CBLN2: variants seen among roughly 807,000 people sequenced by gnomAD.
The protein encoded by CBLN2 is cerebellin 2 precursor, also known as cerebellin-2.
A neutral mutation model predicts 15.0 loss-of-function variants in CBLN2; 7 were observed. The observed-to-expected ratio is 0.47, with a 90% confidence interval of 0.27 to 0.88. The LOEUF (loss-of-function observed/expected upper bound fraction) is 0.88, where lower values mean the gene tolerates loss of function less well. CBLN2 is among the 40% of genes least tolerant of loss of function. CBLN2 has a pLI of 0.14. For synonymous variants in CBLN2, 149 were observed against 135.2 expected (o/e 1.10, Z -0.71); for missense variants, 242 against 304.5 (o/e 0.79, Z 1.53).
chr18:72,613,304 G>A (rs1034271532), intron 1 of CBLN2, among the ~76,000 whole-genome samples: 1 of 152,088 alleles, frequency 6.6e-6, no homozygotes, highest in African/African-American at 2.4e-5. Context: ...TGTCTTTGTA[G>A]GTCTCTCTAT....
In CBLN2 at chr18:72,583,940, T is replaced by C. The variant is rs552859338; in HGVS notation, c.16-45168A>G. Among the ~76,000 whole-genome samples, 9 of 152,350 alleles carry C rather than the reference T, an allele frequency of 5.9e-5. No individual in the cohort carries two copies. In the East Asian group the frequency reaches 1.7e-3, roughly 29 times the overall value. ...TAAGCTCCTGTTCTGTGCAGGACAC[T>C]GCTAAACTCCTTGAATACATTTTCT... On this transcript the variant is annotated intron_variant, in intron 1 of 2. Coordinates refer to the CBLN2 transcript ENST00000581073.
At chr18:72,587,371 C>A (rs1175038987) in intron 1 of CBLN2, among the ~76,000 whole-genome samples, 1 of 151,968 alleles carries the variant, frequency 6.6e-6, no homozygotes, top group East Asian at 1.9e-4. Flanking sequence ...AGCTGTTACA[C>A]AATAAAATAA....
chr18:72,597,484 C>G (rs1376073120), intron 1 of CBLN2, among the ~76,000 whole-genome samples: 1 of 152,290 alleles, frequency 6.6e-6, no homozygotes, highest in Non-Finnish European at 1.5e-5. Flanking sequence ...TGCACTGGGT[C>G]AGACCCAAAG....
At chr18:72,569,843 CA>C (rs2069319706) in intron 1 of CBLN2, among the ~76,000 whole-genome samples, 2 of 152,310 alleles carry the variant, frequency 1.3e-5, no homozygotes, top group South Asian at 4.1e-4. Context: ...ACACATCCAA[CA>C]CTGGGGGTGA....
chr18:72,609,138 A>G (rs1368998233), intron 1 of CBLN2, among the ~76,000 whole-genome samples: 1 of 152,166 alleles, frequency 6.6e-6, no homozygotes, highest in Non-Finnish European at 1.5e-5. Flanking sequence ...AGCAGAGGCC[A>G]ATAAGGTAAA....
Position 72,538,164 on chromosome 18 carries a change from G to C in CBLN2, c.*12C>G, listed in dbSNP as rs1286555920. The C allele has an allele frequency of 6.2e-7, 1 of 1,613,950 alleles. No individual in the cohort carries two copies. ...AGTTTGCCATTCCCCCACCATCTAG[G>C]GGGCTCTGTGTTTATAGAGGAAACA... is the stretch of plus-strand genomic sequence containing the variant. On this transcript the variant is annotated 3_prime_UTR_variant, in exon 5 of 5. Coordinates refer to ENST00000269503, the MANE Select transcript of CBLN2 (RefSeq NM_182511.4).
intron 1 of CBLN2, among the ~76,000 whole-genome samples, chr18:72,587,576 T>C (rs2069452362): frequency 6.6e-6 from 1 of 152,210 alleles, no homozygotes; most frequent in Non-Finnish European, 1.5e-5. Context: ...GTGTTGTTTA[T>C]ATTTTGAAAA....
At chr18:72,616,800 A>G (rs552946450) in intron 1 of CBLN2, among the ~76,000 whole-genome samples, 1 of 152,278 alleles carries the variant, frequency 6.6e-6, no homozygotes, top group Admixed American at 6.5e-5. Context: ...TCCTTAATAT[A>G]GAGCAATTCG....
intron 1 of CBLN2, among the ~76,000 whole-genome samples, chr18:72,593,735 C>T (rs1045520787): frequency 3.9e-5 from 6 of 152,070 alleles, no homozygotes; most frequent in Non-Finnish European, 7.4e-5. Context: ...TGAATTTTAT[C>T]AAATTTTTTA....
intron 1 of CBLN2, among the ~76,000 whole-genome samples, chr18:72,599,428 A>G (rs1244952741): frequency 6.6e-6 from 1 of 152,224 alleles, no homozygotes; most frequent in African/African-American, 2.4e-5. Flanking sequence ...AGGATAACTT[A>G]AAACATGAAA....
intron 1 of CBLN2, among the ~76,000 whole-genome samples, chr18:72,586,947 G>A (rs564224927): frequency 6.6e-6 from 1 of 150,534 alleles, no homozygotes; most frequent in East Asian, 2.0e-4. Context: ...CTATAACTAT[G>A]ATATATATAT....
chr18:72,547,994 C>T (rs760711090), upstream of CBLN2, among the ~76,000 whole-genome samples: 3 of 152,156 alleles, frequency 2.0e-5, no homozygotes, highest in South Asian at 2.1e-4. Flanking sequence ...CAAGAAGCAA[C>T]AGATCATAGG....
chr18:72,547,785 T>A (rs1333687688), upstream of CBLN2, among the ~76,000 whole-genome samples: 3 of 152,238 alleles, frequency 2.0e-5, no homozygotes. Context: ...CCTTCTCAAG[T>A]GTTCTCCCGT....
At chr18:72,634,032 C>T (rs9946210) in intron 1 of CBLN2, among the ~76,000 whole-genome samples, 1 of 151,706 alleles carries the variant, frequency 6.6e-6, no homozygotes, top group Non-Finnish European at 1.5e-5. Context: ...ATACAAACTT[C>T]TCTTTAAGTT....
intron 1 of CBLN2, among the ~76,000 whole-genome samples, chr18:72,607,597 T>C (rs946599733): frequency 1.3e-5 from 2 of 152,182 alleles, no homozygotes; most frequent in Non-Finnish European, 2.9e-5. Context: ...CTAATTACAC[T>C]TTATTCTGTA....
chr18:72,541,956 C>A lies in CBLN2; in HGVS notation c.205G>T (p.Asp69Tyr). 6.2e-7 allele frequency: 1 copy of A among 1,607,536 alleles called. No homozygotes were observed. Among genetic ancestry groups the A allele is most frequent in the Non-Finnish European group, 8.5e-7 (1 of 1,179,528 alleles). Reference protein sequence around the residue: ...VLEGKCLVVCDSSPSADGAVT... With the variant: ...VLEGKCLVVCYSSPSADGAVT... ...GCGCCGTCCGCCGACGGGCTGGAGT[C>A]GCACACCACCAGGCACTTGCCCTCC... Residue 69 changes from aspartate (D) to tyrosine (Y), a missense_variant, in exon 3 of 5, where the codon GAC becomes TAC. Physicochemically the swap from Asp to Tyr is radical, Grantham distance 160. Around this residue, in one of 4 missense-constraint regions of CBLN2, gnomAD observed 89 missense variants for 114.2 expected, o/e 0.78. Coordinates refer to ENST00000269503, the MANE Select transcript of CBLN2 (RefSeq NM_182511.4).
At chr18:72,605,154 A>G (rs1941514151) in intron 1 of CBLN2, among the ~76,000 whole-genome samples, 1 of 152,186 alleles carries the variant, frequency 6.6e-6, no homozygotes, top group South Asian at 2.1e-4. Context: ...AATTGAATTG[A>G]ATTTACAGTC....
In CBLN2 at chr18:72,557,401, A is replaced by G. The variant is rs189069541; in HGVS notation, c.16-18629T>C. Among the ~76,000 whole-genome samples the G allele has an allele frequency of 2.2e-3, 328 of 152,302 alleles. 3 individuals are homozygous for G. The highest frequency in any genetic ancestry group is 7.7e-3 in the African/African-American group (320 of 41,572). ...TATATTCTTTGGCTATATGCCCAGT[A>G]ATGGGATTGCTGAGTCAAATGGTAT... is the stretch of plus-strand genomic sequence containing the variant. On this transcript the variant is annotated intron_variant, in intron 1 of 2. Transcript: ENST00000581073.
chr18:72,584,599 GC>G (rs1323183800), intron 1 of CBLN2, among the ~76,000 whole-genome samples: 1 of 152,094 alleles, frequency 6.6e-6, no homozygotes, highest in Non-Finnish European at 1.5e-5. Flanking sequence ...ACCATGCCCA[GC>G]CTACAATCTT....
Sources: gnomAD v4.1 joint callset for allele counts (sites outside exome capture counted in the v4.1 genomes callset) on GRCh38, gnomAD v4.1.1 for gene constraint, gnomAD v4.1.1 regional missense constraint, MANE v1.5 for transcripts, NCBI Gene and HGNC (gene_info 2026-07-23, HGNC 2026-07-21) for gene names.